Variants in PHF20L1 observed in about 807,000 individuals in gnomAD.
The protein encoded by PHF20L1 is PHD finger protein 20-like protein 1.
A neutral mutation model predicts 125.5 loss-of-function variants in PHF20L1; 44 were observed. That is an observed-to-expected ratio of 0.35 (90% CI 0.28 to 0.45). The LOEUF is 0.45. PHF20L1 is among the 20% of genes least tolerant of loss of function. The pLI, the probability that PHF20L1 is intolerant of heterozygous loss-of-function variation, is 1.00. For synonymous variants in PHF20L1, 380 were observed against 403.1 expected, an observed-to-expected ratio of 0.94 and a Z score of 0.69; for missense variants, 1,012 against 1,217.2, an observed-to-expected ratio of 0.83 and a Z score of 2.51.
chr8:132,821,789 A>AT, intron 12 of PHF20L1, among the ~76,000 whole-genome samples: 2 of 151,858 alleles, frequency 1.3e-5, no homozygotes, highest in South Asian at 4.2e-4. Flanking sequence ...GAGTAGCTCC[A>AT]TTTGTGTTTT....
In PHF20L1 at chr8:132,844,270, C is replaced by T; in HGVS notation, c.2863C>T (p.Gln955Ter). Reference protein sequence around the residue: ...LNLLTHIENVQNEVTSRMDLI... With the variant: ...LNLLTHIENV ...TCTCCTTACACACATAGAAAATGTG[C>T]AGAACGAAGTTACCAGCAGGATGGA... The change falls in exon 20 of 21, where the codon CAG becomes TAG. Residue 955 changes from glutamine to a stop codon, truncating the protein, a stop_gained. Transcript: ENST00000395386. LOFTEE classifies it high-confidence loss of function. The T allele has an allele frequency of 6.2e-7, 1 of 1,612,188 alleles. No homozygotes were observed. Among genetic ancestry groups the T allele is most frequent in the Non-Finnish European group, 8.5e-7 (1 of 1,178,710 alleles).
At chr8:132,837,925 T>C (rs1837543761) in intron 17 of PHF20L1, 114 bp downstream of exon 17, 7 of 705,532 alleles carry the variant, frequency 9.9e-6, no homozygotes, top group Non-Finnish European at 1.8e-5. Context: ...ATGATGTCAT[T>C]GATAGGTTCT....
At chr8:132,843,668 A>G (rs888889545) in intron 19 of PHF20L1, 1 of 983,690 alleles carries the variant, frequency 1.0e-6, no homozygotes, top group African/African-American at 1.8e-5. Flanking sequence ...AAACTTGTAA[A>G]AGGTTTTTGC....
intron 2 of PHF20L1, among the ~76,000 whole-genome samples, chr8:132,787,391 A>G (rs1222742004): frequency 6.6e-6 from 1 of 152,096 alleles, no homozygotes; most frequent in Non-Finnish European, 1.5e-5. Context: ...CTTTGTTGTA[A>G]AAGTTGTGGA....
intron 13 of PHF20L1, chr8:132,824,555 G>T (rs2131775105): frequency 6.4e-6 from 1 of 156,788 alleles, no homozygotes; most frequent in Admixed American, 6.2e-5. Context: ...ACTGAAAGTT[G>T]GTCAAATATG....
chr8:132,798,701 T>C (rs2131505154), intron 4 of PHF20L1, 71 bp from the exon 5 acceptor site: 2 of 944,354 alleles, frequency 2.1e-6, no homozygotes, highest in Admixed American at 2.1e-5. Context: ...AAGTCACTAC[T>C]TGTTAGATTT....
chr8:132,775,694 G>C (rs2131249247), intron 1 of PHF20L1, 49 bp downstream of exon 1: 1 of 324,062 alleles, frequency 3.1e-6, no homozygotes, highest in Non-Finnish European at 5.6e-6. Context: ...CCCCCGCCGG[G>C]CCGCCCGGGA....
At chr8:132,844,452 T>A in intron 20 of PHF20L1, 134 bp downstream of exon 20, 1 of 646,230 alleles carries the variant, frequency 1.5e-6, no homozygotes, top group Admixed American at 2.9e-5. Flanking sequence ...TATTACTCCC[T>A]TTGTATTGTA....
intron 12 of PHF20L1, among the ~76,000 whole-genome samples, chr8:132,821,106 C>G (rs1835544002): frequency 6.6e-6 from 1 of 151,790 alleles, no homozygotes; most frequent in Admixed American, 6.6e-5. Flanking sequence ...TGAGCAGGTC[C>G]CCTGAGTTTT....
In PHF20L1 at chr8:132,842,601, A is replaced by G; in HGVS notation, c.2474A>G (p.Lys825Arg). ...CAAATAATAGCTGGGGTGGAGAAAA[A>G]AATAGCTCAAGACACAGTTAATCGA... ...QDQIIAGVEK[K>R]IAQDTVNREE... is the part of the protein sequence containing the mutation. The change falls in exon 19 of 21, where the codon AAA becomes AGA. Residue 825 changes from lysine to arginine, a missense_variant. This residue lies in a region of PHF20L1 where 277 missense variants were observed against 283.6 expected (regional missense o/e 0.98). Transcript: ENST00000395386. 6.2e-7 allele frequency: 1 copy of G among 1,613,166 alleles called. No individual in the cohort carries two copies. Among genetic ancestry groups the G allele is most frequent in the Non-Finnish European group, 8.5e-7 (1 of 1,179,538 alleles).
At position 132,802,633 on chromosome 8, in the gene PHF20L1, AT is replaced by A. The variant is rs1299094846; in HGVS notation, c.508-1184del. ...CAGGGTATTCAATAGAAAATTGTTG[AT>A]TGAATGTGTTAAGTGCAATCACATG... is the stretch of plus-strand genomic sequence containing the variant. On this transcript the variant is annotated intron_variant, in intron 6 of 20. Transcript: ENST00000395386. Among the ~76,000 whole-genome samples the A allele has an allele frequency of 4.0e-5, 6 of 151,856 alleles. No homozygotes were observed. The East Asian group carries it at 1.2e-3, about 29-fold the overall frequency.
At position 132,804,700 on chromosome 8, in the gene PHF20L1, C is replaced by T; in HGVS notation, c.807C>T (p.Asn269=). Residue 269 remains asparagine (N), a synonymous_variant, in exon 8 of 21, where the codon AAC becomes AAT. Transcript: ENST00000395386. ...LSNKRKNNQG[N]SFQAKRARLN... Reference sequence around the variant, plus strand: ...ACAAGAGGAAAAATAATCAAGGCAACTCGTTTCAGGCAAAGAGAGCTCGAC... The same window carrying T: ...ACAAGAGGAAAAATAATCAAGGCAATTCGTTTCAGGCAAAGAGAGCTCGAC... 6.2e-7 allele frequency: 1 copy of T among 1,610,340 alleles called. No individual in the cohort carries two copies. Among genetic ancestry groups the T allele is most frequent in the Non-Finnish European group, 8.5e-7 (1 of 1,177,560 alleles).
chr8:132,836,334 G>A (rs1837354694), intron 15 of PHF20L1: 1 of 458,518 alleles, frequency 2.2e-6, no homozygotes, highest in Admixed American at 3.9e-5. Flanking sequence ...TATACTATAA[G>A]ATATAAAGCA....
At chr8:132,778,403 A>G (rs778915453) in intron 2 of PHF20L1, among the ~76,000 whole-genome samples, 1 of 152,216 alleles carries the variant, frequency 6.6e-6, no homozygotes, top group Non-Finnish European at 1.5e-5. Context: ...TATCTCACCT[A>G]AAACCAAAAT....
chr8:132,792,197 G>A (rs1831799880), intron 2 of PHF20L1, among the ~76,000 whole-genome samples: 1 of 152,154 alleles, frequency 6.6e-6, no homozygotes, highest in Non-Finnish European at 1.5e-5. Flanking sequence ...TGTTTTGAGG[G>A]AAACTTACCA....
Position 132,845,796 on chromosome 8 carries a change from T to A in PHF20L1, c.2927T>A (p.Leu976His), listed in dbSNP as rs1167334047. The change falls in exon 21 of 21, where the codon CTT becomes CAT. Residue 976 changes from leucine to histidine, a missense_variant. By Grantham distance (99) the Leu-to-His change is moderately conservative. Around this residue, in one of 7 missense-constraint regions of PHF20L1, gnomAD observed 277 missense variants for 283.6 expected, o/e 0.98. Coordinates refer to ENST00000395386, the MANE Select transcript of PHF20L1 (RefSeq NM_016018.5). Reference sequence around the variant, plus strand: ...TCTCTTTTAGTTCTGGAAAGCTGGCTTGATTTCACAGGGGAGTTGGAGCCA... The same window carrying A: ...TCTCTTTTAGTTCTGGAAAGCTGGCATGATTTCACAGGGGAGTTGGAGCCA... ...EKEVDVLESW[L>H]DFTGELEPPD... The A allele has an allele frequency of 6.2e-7, 1 of 1,609,922 alleles. No individual in the cohort carries two copies. Among genetic ancestry groups the A allele is most frequent in the South Asian group, 1.1e-5 (1 of 90,954 alleles).
intron 2 of PHF20L1, among the ~76,000 whole-genome samples, chr8:132,784,451 A>G (rs1193385546): frequency 1.3e-5 from 2 of 152,144 alleles, no homozygotes; most frequent in Admixed American, 6.6e-5. Context: ...GGTGCAGTTG[A>G]ATTCCAAACT....
At chr8:132,813,509 A>G (rs1270615684) in intron 9 of PHF20L1, among the ~76,000 whole-genome samples, 23 of 151,960 alleles carry the variant, frequency 1.5e-4, no homozygotes, top group Admixed American at 1.5e-3. Context: ...CCAGAAAATG[A>G]TCGTTCATAT....
intron 10 of PHF20L1, 32 bp from the exon 11 acceptor site, chr8:132,816,856 C>T (rs1250806681): frequency 1.4e-6 from 2 of 1,463,156 alleles, no homozygotes; most frequent in African/African-American, 1.4e-5. Context: ...TGGTATGTAT[C>T]TGCTTCGTGA....
Sources: gnomAD v4.1 joint callset for allele counts (sites outside exome capture counted in the v4.1 genomes callset) on GRCh38, gnomAD v4.1.1 for gene constraint, gnomAD v4.1.1 regional missense constraint, MANE v1.5 for transcripts, NCBI Gene and HGNC (gene_info 2026-07-23, HGNC 2026-07-21) for gene names.